The following TRIO variants were observed in gnomAD, a reference collection of about 807,000 sequenced individuals.
The protein encoded by TRIO is triple functional domain protein.
A neutral mutation model predicts 351.9 loss-of-function variants in TRIO; 58 were observed. That is an observed-to-expected ratio of 0.16 (90% CI 0.13 to 0.21). TRIO has a LOEUF of 0.21. TRIO is among the 10% of genes least tolerant of loss of function. The pLI, the probability that TRIO is intolerant of heterozygous loss-of-function variation, is 1.00. For synonymous variants in TRIO, 1,758 were observed against 1,595.7 expected (o/e 1.10, Z -2.42); for missense variants, 3,201 against 4,027.8 (o/e 0.79, Z 5.56).
intron 1 of TRIO, among the ~76,000 whole-genome samples, chr5:14,207,600 G>T (rs1218433778): frequency 3.3e-5 from 5 of 149,992 alleles, no homozygotes; most frequent in Non-Finnish European, 7.4e-5. Context: ...CTAGCTGCTT[G>T]GTAGGCTCAA....
At chr5:14,468,996 T>A (rs1235565711) in intron 37 of TRIO, among the ~76,000 whole-genome samples, 1 of 152,226 alleles carries the variant, frequency 6.6e-6, no homozygotes. Context: ...TTTTCCTGCA[T>A]GTCGGCAATA....
At chr5:14,168,680 T>C (rs1788924761) in intron 1 of TRIO, among the ~76,000 whole-genome samples, 1 of 152,266 alleles carries the variant, frequency 6.6e-6, no homozygotes, top group Non-Finnish European at 1.5e-5. Context: ...GGTCTGGCTT[T>C]ATTTGACTTC....
At chr5:14,259,904 C>T (rs1795244408) in intron 1 of TRIO, among the ~76,000 whole-genome samples, 1 of 152,090 alleles carries the variant, frequency 6.6e-6, no homozygotes, top group Non-Finnish European at 1.5e-5. Context: ...CAGGACTTGG[C>T]TGGCCTCTGA....
At chr5:14,304,651 C>A in intron 8 of TRIO, 59 bp downstream of exon 8, 4 of 1,538,704 alleles carry the variant, frequency 2.6e-6, no homozygotes, top group Non-Finnish European at 1.7e-6. Context: ...CATAGTACAC[C>A]GGAAGCTAGA....
rs1319656850 is a variant in TRIO, at chr5:14,194,211, T to G, written c.157+50329T>G. Among the ~76,000 whole-genome samples, 5 of 152,352 alleles carry G rather than the reference T, an allele frequency of 3.3e-5. No individual in the cohort carries two copies. The East Asian group carries it at 9.6e-4, about 29-fold the overall frequency. On this transcript the variant is annotated intron_variant, in intron 1 of 56. Transcript: ENST00000344204. Reference sequence around the variant, plus strand: ...CTTTTTACTACTTCCTGGCATGTAGTTTTATACATTGATCGGATTCATATT... The same window carrying G: ...CTTTTTACTACTTCCTGGCATGTAGGTTTATACATTGATCGGATTCATATT...
At chr5:14,336,289 TC>T (rs1741409834) in intron 10 of TRIO, among the ~76,000 whole-genome samples, 2 of 152,142 alleles carry the variant, frequency 1.3e-5, no homozygotes, top group Non-Finnish European at 2.9e-5. Context: ...CTGCAGATAG[TC>T]CATCACTACC....
intron 28 of TRIO, among the ~76,000 whole-genome samples, chr5:14,394,797 A>C (rs1747421480): frequency 6.6e-6 from 1 of 152,230 alleles, no homozygotes; most frequent in Non-Finnish European, 1.5e-5. Context: ...TGACAATAGA[A>C]AGGTAAACAA....
At chr5:14,347,072 C>G (rs964409072) in intron 11 of TRIO, among the ~76,000 whole-genome samples, 22 of 149,876 alleles carry the variant, frequency 1.5e-4, no homozygotes, top group African/African-American at 5.4e-4. Flanking sequence ...TGATGCTGGA[C>G]CAGTCATCTC....
rs1561575474 is a variant in TRIO at position 14,507,158 on chromosome 5, A to G, written c.8649A>G (p.Arg2883=). The change falls in exon 56 of 57, where the codon CGA becomes CGG. Residue 2883 remains arginine, a synonymous_variant. Coordinates refer to ENST00000344204, the MANE Select transcript of TRIO (RefSeq NM_007118.4). ...DQGRLLDCVV[R]WGSLTEGKIR... ...GTCGCCTCCTGGACTGCGTGGTGCG[A>G]TGGGGAAGCCTCACTGAAGGGAAGA... is the stretch of plus-strand genomic sequence containing the variant. 2 of 1,612,088 alleles carry G rather than the reference A, an allele frequency of 1.2e-6. No individual in the cohort carries two copies. Among genetic ancestry groups the G allele is most frequent in the Non-Finnish European group, 1.7e-6 (2 of 1,179,502 alleles).
intron 37 of TRIO, among the ~76,000 whole-genome samples, chr5:14,468,526 A>G (rs923801484): frequency 6.6e-6 from 1 of 152,220 alleles, no homozygotes; most frequent in East Asian, 1.9e-4. Context: ...AATGCGATCT[A>G]AATTCTCCCC....
chr5:14,265,978 G>C (rs1795645945), intron 1 of TRIO, among the ~76,000 whole-genome samples: 1 of 152,136 alleles, frequency 6.6e-6, no homozygotes, highest in Admixed American at 6.5e-5. Context: ...AGGGGTTCAG[G>C]GTCAAGATGC....
chr5:14,495,117 T>A (rs954514529), intron 49 of TRIO, among the ~76,000 whole-genome samples: 14 of 152,318 alleles, frequency 9.2e-5, no homozygotes, highest in African/African-American at 3.4e-4. Flanking sequence ...CCCTCATGGA[T>A]GACTTTGAAG....
chr5:14,348,708 A>T (rs779726020), intron 11 of TRIO, among the ~76,000 whole-genome samples: 3 of 142,156 alleles, frequency 2.1e-5, no homozygotes, highest in Non-Finnish European at 4.5e-5. Flanking sequence ...CTGCATGTTT[A>T]TGTGTGTGTA....
At chr5:14,272,931 T>C (rs78173215) in intron 2 of TRIO, among the ~76,000 whole-genome samples, 11,866 of 152,276 alleles carry the variant, frequency 0.078, 525 homozygotes, top group African/African-American at 0.082. Flanking sequence ...CTCTAACTCA[T>C]TTTTTTGTTT....
intron 5 of TRIO, among the ~76,000 whole-genome samples, chr5:14,292,786 C>T (rs1284108215): frequency 6.6e-6 from 1 of 152,196 alleles, no homozygotes; most frequent in Admixed American, 6.5e-5. Context: ...CTTCTTAATT[C>T]CTTCTCTGTA....
chr5:14,190,562 C>T (rs1790392426), intron 1 of TRIO, among the ~76,000 whole-genome samples: 1 of 152,012 alleles, frequency 6.6e-6, no homozygotes, highest in Non-Finnish European at 1.5e-5. Flanking sequence ...GCCGTGGAAG[C>T]GTCATGCTTG....
At chr5:14,237,018 G>A (rs1793812110) in intron 1 of TRIO, among the ~76,000 whole-genome samples, 1 of 152,196 alleles carries the variant, frequency 6.6e-6, no homozygotes, top group African/African-American at 2.4e-5. Context: ...CGCTGAGAGA[G>A]GAATGGGACC....
intron 11 of TRIO, among the ~76,000 whole-genome samples, chr5:14,352,793 G>T (rs1743254088): frequency 6.6e-6 from 1 of 152,110 alleles, no homozygotes; most frequent in African/African-American, 2.4e-5. Context: ...GGTCTCCTCA[G>T]TACCCGCGCT....
At chr5:14,444,011 C>T (rs1752256292) in intron 34 of TRIO, among the ~76,000 whole-genome samples, 1 of 152,102 alleles carries the variant, frequency 6.6e-6, no homozygotes, top group Non-Finnish European at 1.5e-5. Flanking sequence ...TGGTGACTCT[C>T]CTTAACACTG....
Sources: gnomAD v4.1 joint callset for allele counts (sites outside exome capture counted in the v4.1 genomes callset) on GRCh38, gnomAD v4.1.1 for gene constraint, MANE v1.5 for transcripts, NCBI Gene and HGNC (gene_info 2026-07-23, HGNC 2026-07-21) for gene names.